FBLN7: variants seen among roughly 807,000 people sequenced by gnomAD.
FBLN7 encodes fibulin 7.
A neutral mutation model predicts 44.0 loss-of-function variants in FBLN7; 31 were observed. The observed-to-expected ratio is 0.70, with a 90% confidence interval of 0.53 to 0.95. The LOEUF (loss-of-function observed/expected upper bound fraction) is 0.95, where lower values mean the gene tolerates loss of function less well. Among genes scored for constraint, FBLN7 ranks in the 40% least tolerant of loss-of-function variants. The pLI is 0.00. For missense variants in FBLN7, 573 were observed against 618.5 expected (o/e 0.93, Z 0.78); for synonymous variants, 262 against 253.4 (o/e 1.03, Z -0.32).
At chr2:112,200,778 G>C in the FBLN7 span, among the ~76,000 whole-genome samples, 3,003 of 152,174 alleles carry the variant, frequency 0.02, 99 homozygotes, top group African/African-American at 0.066. Context: ...TGATCCACCT[G>C]CTTCAGCCTC....
chr2:112,216,712 CAA>C, the FBLN7 span, among the ~76,000 whole-genome samples: 32 of 142,804 alleles, frequency 2.2e-4, no homozygotes, highest in Non-Finnish European at 1.8e-4. Flanking sequence ...AATAATGAGA[CAA>C]GAGTTGACTA....
At chr2:112,236,798 G>T in the FBLN7 span, 1 of 1,080,516 alleles carries the variant, frequency 9.3e-7, no homozygotes, top group Non-Finnish European at 1.3e-6. Flanking sequence ...TGTAATCCCA[G>T]CTCTTTGGGA....
the FBLN7 span, among the ~76,000 whole-genome samples, chr2:112,231,407 C>T: frequency 6.6e-6 from 1 of 152,272 alleles, no homozygotes; most frequent in East Asian, 1.9e-4. Flanking sequence ...ATAACCTTTT[C>T]TCACAGACTG....
the FBLN7 span, among the ~76,000 whole-genome samples, chr2:112,209,289 C>T: frequency 2.6e-5 from 4 of 152,158 alleles, no homozygotes; most frequent in African/African-American, 7.2e-5. Flanking sequence ...TCTGCACCTC[C>T]GGCTGCTTCT....
At chr2:112,160,830 A>ACACACACACG (rs1558880646) in intron 2 of FBLN7, among the ~76,000 whole-genome samples, 2 of 131,960 alleles carry the variant, frequency 1.5e-5, no homozygotes, top group African/African-American at 6.0e-5. Flanking sequence ...ACAAGCACGC[A>ACACACACACG]TACACGCACG....
intron 3 of FBLN7, among the ~76,000 whole-genome samples, chr2:112,171,687 G>T (rs1478725998): frequency 6.6e-6 from 1 of 152,144 alleles, no homozygotes; most frequent in Admixed American, 6.5e-5. Flanking sequence ...CACATATTCA[G>T]TATCATCTGT....
At chr2:112,199,319 G>A in the FBLN7 span, among the ~76,000 whole-genome samples, 8 of 152,144 alleles carry the variant, frequency 5.3e-5, no homozygotes, top group South Asian at 1.0e-3. Context: ...TTCTCTCATC[G>A]TCACTTTTCC....
chr2:112,210,199 A>G, the FBLN7 span, among the ~76,000 whole-genome samples: 1 of 151,952 alleles, frequency 6.6e-6, no homozygotes, highest in South Asian at 2.1e-4. Flanking sequence ...GGCTCGGTAT[A>G]CCTGAAGCCC....
At chr2:112,205,605 A>T in the FBLN7 span, among the ~76,000 whole-genome samples, 1 of 152,100 alleles carries the variant, frequency 6.6e-6, no homozygotes, top group African/African-American at 2.4e-5. Context: ...AACAGTCTAA[A>T]TACACCAATT....
chr2:112,235,337 T>C, the FBLN7 span, among the ~76,000 whole-genome samples: 2 of 152,338 alleles, frequency 1.3e-5, no homozygotes, highest in South Asian at 2.1e-4. Flanking sequence ...TTAGAATTTG[T>C]TCCTTGTGTA....
At chr2:112,190,361 A>G (rs1379827913), downstream of FBLN7, 1 of 152,178 alleles carries the variant, frequency 6.6e-6, no homozygotes, top group African/African-American at 2.4e-5. Flanking sequence ...TTATTAGCTG[A>G]CATACTTTAT....
At chr2:112,197,274 C>CACACACACAGAGAG in the FBLN7 span, among the ~76,000 whole-genome samples, 223 of 98,622 alleles carry the variant, frequency 2.3e-3, 2 homozygotes, top group Middle Eastern at 0.018. Context: ...CACACACACA[C>CACACACACAGAGAG]AGAGAGAGAG....
At chr2:112,226,676 A>C in the FBLN7 span, among the ~76,000 whole-genome samples, 4 of 151,722 alleles carry the variant, frequency 2.6e-5, no homozygotes, top group African/African-American at 9.7e-5. Flanking sequence ...TTCTTCCAGA[A>C]AATAGGGGAA....
intron 1 of FBLN7, among the ~76,000 whole-genome samples, chr2:112,158,416 T>G (rs1467841935): frequency 6.6e-6 from 1 of 152,014 alleles, no homozygotes; most frequent in Non-Finnish European, 1.5e-5. Context: ...CTAATTTTTT[T>G]GTTTTTAATT....
chr2:112,178,271 A>G (rs1451194944), intron 4 of FBLN7, among the ~76,000 whole-genome samples: 1 of 149,518 alleles, frequency 6.7e-6, no homozygotes, highest in Non-Finnish European at 1.5e-5. Context: ...AAAAAAAACC[A>G]AAAGAAAACA....
chr2:112,189,145 G>A (rs1444411540), downstream of FBLN7: 1 of 152,322 alleles, frequency 6.6e-6, no homozygotes, highest in African/African-American at 2.4e-5. Context: ...TGTGTTCAGG[G>A]GGACAAGCCT....
rs1427793753 is a variant in FBLN7, at chr2:112,187,561, G to A, written c.*55G>A. ...GCTGACCTCATTTCTCTTCCCCGAA[G>A]GCTCAGCTTCGGGCACCGACTGCGT... On this transcript the variant is annotated 3_prime_UTR_variant, in exon 8 of 8. Coordinates refer to ENST00000331203, the MANE Select transcript of FBLN7 (RefSeq NM_153214.3). This position sits in a 1 kb window ranked among gnomAD's most constrained non-coding sequence, Gnocchi z 5.1. The A allele has an allele frequency of 6.3e-7, 1 of 1,582,292 alleles. No individual in the cohort carries two copies. Among genetic ancestry groups the A allele is most frequent in the Non-Finnish European group, 8.6e-7 (1 of 1,161,412 alleles).
chr2:112,212,988 T>TTTTTTTTTTC, the FBLN7 span: 3 of 115,566 alleles, frequency 2.6e-5, no homozygotes, highest in African/African-American at 1.0e-4. Context: ...TTTTTTTTTT[T>TTTTTTTTTTC]ATAAGAGACA....
chr2:112,160,827 C>G (rs577490262), intron 2 of FBLN7, among the ~76,000 whole-genome samples: 22 of 141,468 alleles, frequency 1.6e-4, no homozygotes, highest in African/African-American at 4.4e-4. Flanking sequence ...CACACAAGCA[C>G]GCATACACGC....
Sources: allele counts gnomAD v4.1 joint callset (sites outside exome capture counted in the v4.1 genomes callset), GRCh38; gene constraint gnomAD v4.1.1; non-coding constraint Gnocchi (gnomAD v3.1); transcripts MANE v1.5; gene names NCBI Gene and HGNC (gene_info 2026-07-23, HGNC 2026-07-21).